GNG7: variants seen among roughly 807,000 people sequenced by gnomAD.
GNG7 encodes the protein guanine nucleotide-binding protein G(I)/G(S)/G(O) subunit gamma-7.
A neutral mutation model predicts 4.0 loss-of-function variants in GNG7; 1 was observed. The ratio of observed to expected loss-of-function variants is 0.25; its 90% CI spans 0.09 to 1.18. The LOEUF is 1.18. GNG7 is among the 50% of genes most tolerant of loss of function. The pLI is 0.50. For synonymous variants in GNG7, 34 were observed against 36.9 expected, an observed-to-expected ratio of 0.92 and a Z score of 0.29; for missense variants, 86 against 91.9, an observed-to-expected ratio of 0.94 and a Z score of 0.26.
At chr19:2,659,196 C>G (rs1474783677) in intron 1 of GNG7, among the ~76,000 whole-genome samples, 2 of 151,938 alleles carry the variant, frequency 1.3e-5, no homozygotes, top group South Asian at 2.1e-4. Flanking sequence ...GTCTCAATCT[C>G]CTGACCTCGT....
chr19:2,642,426 T>TC, intron 2 of GNG7: 1 of 306,508 alleles, frequency 3.3e-6, no homozygotes, highest in Admixed American at 4.7e-5. Flanking sequence ...AGTGCAGTGG[T>TC]GCAATCATAG....
chr19:2,557,344 T>TGC lies in GNG7; in HGVS notation c.-77-2158_-77-2157dup, dbSNP rs1239748886. On this transcript the variant is annotated intron_variant, in intron 2 of 4. Transcript: ENST00000382159. This position sits in a 1 kb window ranked among gnomAD's most constrained non-coding sequence, Gnocchi z 5.1. ...ACATGTGCACACAGACACACACATG[T>TGC]GCACACACACAGACACACACACACG... Among the ~76,000 whole-genome samples the TGC allele has an allele frequency of 2.7e-5, 4 of 149,544 alleles. No individual in the cohort carries two copies. The East Asian group carries it at 7.9e-4, about 30-fold the overall frequency.
chr19:2,573,214 G>A (rs1980204348), intron 2 of GNG7, among the ~76,000 whole-genome samples: 1 of 151,258 alleles, frequency 6.6e-6, no homozygotes, highest in Admixed American at 6.6e-5. Flanking sequence ...GTAGCGACGG[G>A]GTTTCACCAT....
chr19:2,530,671 CGTT>C (rs1157844896), intron 3 of GNG7, among the ~76,000 whole-genome samples: 1 of 146,424 alleles, frequency 6.8e-6, no homozygotes, highest in Non-Finnish European at 1.5e-5. Flanking sequence ...AGTGAGCTGA[CGTT>C]GTGCCACTGC....
intron 2 of GNG7, among the ~76,000 whole-genome samples, chr19:2,567,253 C>G (rs1278656602): frequency 6.6e-6 from 1 of 151,872 alleles, no homozygotes; most frequent in South Asian, 2.1e-4. Context: ...TTGGGTTGGC[C>G]GTGATCATTC....
intron 2 of GNG7, among the ~76,000 whole-genome samples, chr19:2,635,639 A>G (rs1211474284): frequency 2.0e-5 from 3 of 150,386 alleles, no homozygotes; most frequent in East Asian, 2.0e-4. Context: ...CTGTAGTGCA[A>G]TGGTGCAATC....
At chr19:2,683,290 G>C (rs933157787) in intron 1 of GNG7, among the ~76,000 whole-genome samples, 1 of 151,670 alleles carries the variant, frequency 6.6e-6, no homozygotes, top group Non-Finnish European at 1.5e-5. Context: ...GGCCAGCCTG[G>C]GTGGGAGGCC....
At chr19:2,681,979 A>T (rs1304802144) in intron 1 of GNG7, among the ~76,000 whole-genome samples, 1 of 149,268 alleles carries the variant, frequency 6.7e-6, no homozygotes, top group Non-Finnish European at 1.5e-5. Context: ...GCGCAATCTC[A>T]GCTCACTGCA....
chr19:2,664,901 T>C (rs1416937982), intron 1 of GNG7, among the ~76,000 whole-genome samples: 1 of 152,092 alleles, frequency 6.6e-6, no homozygotes, highest in Non-Finnish European at 1.5e-5. Context: ...CAACGACAAA[T>C]GTCCTCAGAC....
intron 2 of GNG7, among the ~76,000 whole-genome samples, chr19:2,616,853 G>A (rs1981737707): frequency 1.3e-5 from 2 of 152,092 alleles, no homozygotes; most frequent in South Asian, 4.1e-4. Context: ...ATGTTTCCAA[G>A]AGCTGCCAAG....
intron 2 of GNG7, among the ~76,000 whole-genome samples, chr19:2,638,263 C>G (rs563082833): frequency 7.3e-5 from 11 of 149,666 alleles, no homozygotes; most frequent in Non-Finnish European, 1.2e-4. Flanking sequence ...CTCGGGAGGC[C>G]GAGGCAGAGA....
intron 2 of GNG7, among the ~76,000 whole-genome samples, chr19:2,601,764 G>A (rs1016758977): frequency 2.0e-5 from 3 of 151,728 alleles, no homozygotes; most frequent in African/African-American, 7.3e-5. Context: ...AAAATTAGCC[G>A]GGCATGGTGG....
At chr19:2,698,770 C>T (rs1348566341) in intron 1 of GNG7, among the ~76,000 whole-genome samples, 1 of 146,282 alleles carries the variant, frequency 6.8e-6, no homozygotes, top group Non-Finnish European at 1.5e-5. Flanking sequence ...GAGTGTTTTC[C>T]ACTACTATCG....
chr19:2,628,510 T>G (rs956778154), intron 2 of GNG7, among the ~76,000 whole-genome samples: 3 of 139,714 alleles, frequency 2.1e-5, no homozygotes, highest in South Asian at 2.3e-4. Context: ...TCAACTGTGG[T>G]GTGTGTGTGT....
chr19:2,570,453 C>T (rs763673046), intron 2 of GNG7, among the ~76,000 whole-genome samples: 63 of 152,280 alleles, frequency 4.1e-4, no homozygotes, highest in Non-Finnish European at 8.4e-4. Context: ...AGGAAACTTC[C>T]CTTTCCAGCC....
chr19:2,674,033 G>T (rs1983533068), intron 1 of GNG7, among the ~76,000 whole-genome samples: 1 of 152,194 alleles, frequency 6.6e-6, no homozygotes. Flanking sequence ...GGAGGCCAAG[G>T]TGGGCGGATC....
chr19:2,559,817 G>GTCTTGCCCAGGC (rs1979685699), intron 2 of GNG7, among the ~76,000 whole-genome samples: 46 of 94,888 alleles, frequency 4.8e-4, no homozygotes, highest in East Asian at 1.2e-3. Context: ...TGGCTCAAAG[G>GTCTTGCCCAGGC]TGTCTTCTTG....
intron 2 of GNG7, among the ~76,000 whole-genome samples, chr19:2,562,469 T>C (rs922023406): frequency 6.6e-6 from 1 of 151,938 alleles, no homozygotes; most frequent in East Asian, 1.9e-4. Flanking sequence ...TTCTTTTAAA[T>C]GATTAATACT....
intron 3 of GNG7, among the ~76,000 whole-genome samples, chr19:2,548,015 A>G (rs111336450): frequency 0.043 from 6,537 of 152,218 alleles, 473 homozygotes; most frequent in African/African-American, 0.15. Context: ...TCCAGGTCAC[A>G]TCATCAGAAT....
Sources: gnomAD v4.1 joint callset for allele counts (sites outside exome capture counted in the v4.1 genomes callset) on GRCh38, gnomAD v4.1.1 for gene constraint, Gnocchi (gnomAD v3.1) non-coding constraint, MANE v1.5 for transcripts, NCBI Gene and HGNC (gene_info 2026-07-23, HGNC 2026-07-21) for gene names.